Variants in CLEC4A observed in about 807,000 individuals in gnomAD.
CLEC4A encodes the protein C-type lectin domain family 4 member A.
Under a neutral mutation model 32.7 loss-of-function variants are expected in CLEC4A, and 27 were observed. That is an observed-to-expected ratio of 0.83 (90% CI 0.61 to 1.14). The LOEUF is 1.14. Ranked by LOEUF, CLEC4A falls within the 50% of genes most tolerant of loss-of-function variation. The pLI, the probability that CLEC4A is intolerant of heterozygous loss-of-function variation, is 0.00. For synonymous variants in CLEC4A, 89 were observed against 93.7 expected (o/e 0.95, Z 0.29); for missense variants, 253 against 274.6 (o/e 0.92, Z 0.55).
At chr12:8,136,675 C>G (rs894939861) in intron 4 of CLEC4A, 113 bp from the exon 5 acceptor site, 24 of 627,454 alleles carry the variant, frequency 3.8e-5, no homozygotes, top group African/African-American at 3.5e-4. Flanking sequence ...ACGTAGAGCT[C>G]TAATGCAGCT....
rs371181779 is a variant in CLEC4A, at chr12:8,134,973, G to GTT, written c.299-608_299-607dup. ...CATGTCTGTATCTTCTTGTTGAAGC[G>GTT]TTTTTGTTTTTTGTTTTTTTTTAAT... On this transcript the variant is annotated intron_variant, in intron 3 of 5. Coordinates refer to ENST00000229332, the MANE Select transcript of CLEC4A (RefSeq NM_016184.4). 8.1e-4 allele frequency: 257 copies of GTT among 318,704 alleles called. 12 individuals carry two copies. In the African/African-American group the frequency reaches 0.01, roughly 13 times the overall value. The allele number at this position is 318,704 out of a possible 1,614,324, so 19.7% of individuals were successfully genotyped here.
At chr12:8,134,122 G>C in intron 3 of CLEC4A, 1 of 1,600,106 alleles carries the variant, frequency 6.2e-7, no homozygotes, top group South Asian at 1.1e-5. Context: ...AATTCTCCAG[G>C]TTGCCTCTCA....
the CLEC4A span, among the ~76,000 whole-genome samples, chr12:8,103,048 C>G: frequency 6.6e-6 from 1 of 152,130 alleles, no homozygotes; most frequent in East Asian, 1.9e-4. Context: ...TCTAGCTCAA[C>G]TCCCCTTAAT....
At chr12:8,114,466 A>C in the CLEC4A span, among the ~76,000 whole-genome samples, 3 of 151,842 alleles carry the variant, frequency 2.0e-5, no homozygotes, top group African/African-American at 4.8e-5. Context: ...GGATGGTCTC[A>C]ATCTCCTGAC....
At chr12:8,116,498 T>C in the CLEC4A span, among the ~76,000 whole-genome samples, 1 of 152,208 alleles carries the variant, frequency 6.6e-6, no homozygotes, top group African/African-American at 2.4e-5. Flanking sequence ...CCTGATTAAA[T>C]GTATGATCAT....
At chr12:8,134,154 G>A (rs764855473) in intron 3 of CLEC4A, 2 of 1,607,606 alleles carry the variant, frequency 1.2e-6, no homozygotes, top group Admixed American at 1.7e-5. Context: ...ATACTGGTTC[G>A]CTTTCTCTTT....
chr12:8,112,375 C>G, the CLEC4A span, among the ~76,000 whole-genome samples: 1 of 152,268 alleles, frequency 6.6e-6, no homozygotes, highest in South Asian at 2.1e-4. Flanking sequence ...CCCTTCCTCC[C>G]TCCCCCAACA....
rs890300358 is a variant in CLEC4A at position 8,134,297 on chromosome 12, C to G, written c.299-1288C>G. 4.3e-6 allele frequency: 7 copies of G among 1,611,964 alleles called. No individual in the cohort carries two copies. In the African/African-American group the frequency reaches 5.3e-5, roughly 12 times the overall value. ...GAAGCTAAGCTGCAGAGCCTCAAAG[C>G]GGCAGATGGTCGTTTGGCTGAACAC... On this transcript the variant is annotated intron_variant, in intron 3 of 5. Coordinates refer to ENST00000229332, the MANE Select transcript of CLEC4A (RefSeq NM_016184.4).
At chr12:8,120,812 C>G (rs1408692402), upstream of CLEC4A, 1 of 152,138 alleles carries the variant, frequency 6.6e-6, no homozygotes, top group Non-Finnish European at 1.5e-5. Context: ...ATTATTGTTT[C>G]CAAATGTCTG....
chr12:8,113,971 A>G, the CLEC4A span, among the ~76,000 whole-genome samples: 1 of 152,140 alleles, frequency 6.6e-6, no homozygotes, highest in Admixed American at 6.5e-5. Flanking sequence ...GCACAGTTTC[A>G]GGTTTGTTCT....
the CLEC4A span, among the ~76,000 whole-genome samples, chr12:8,112,170 G>A: frequency 6.6e-6 from 1 of 152,038 alleles, no homozygotes; most frequent in East Asian, 1.9e-4. Flanking sequence ...GTTTCTCCAT[G>A]TTGGTCAGGC....
At chr12:8,107,377 C>A in the CLEC4A span, among the ~76,000 whole-genome samples, 5 of 152,160 alleles carry the variant, frequency 3.3e-5, no homozygotes, top group Non-Finnish European at 7.3e-5. Flanking sequence ...CAGGATGATA[C>A]TGGCTTCAGA....
Position 8,138,241 on chromosome 12 carries a change from T to A in CLEC4A, c.668T>A (p.Leu223His). ...KRWGWNDVNC[L>H]GPQRSVCEMM... The stretch of plus-strand genomic sequence containing the variant: ...TGGGGCTGGAATGATGTTAATTGTC[T>A]TGGTCCTCAAAGGTCAGTTTGTGAG... The change falls in exon 6 of 6, where the codon CTT (leucine) becomes CAT (histidine). Residue 223 changes from leucine to histidine, a missense_variant. Transcript: ENST00000229332. The A allele has an allele frequency of 2.5e-6, 4 of 1,614,204 alleles. No individual in the cohort carries two copies. Among genetic ancestry groups the A allele is most frequent in the Non-Finnish European group, 3.4e-6 (4 of 1,180,026 alleles).
At position 8,138,069 on chromosome 12, in the gene CLEC4A, C is replaced by T. The variant is rs374290156; in HGVS notation, c.567-71C>T. On this transcript the variant is annotated intron_variant, in intron 5 of 5. Coordinates refer to ENST00000229332, the MANE Select transcript of CLEC4A (RefSeq NM_016184.4). ...GTTCCATGAAATTCATCCCTCGCTC[C>T]TCACCCCTGTCTCTAACCCTTTTCA... 4.7e-4 allele frequency: 712 copies of T among 1,514,636 alleles called. 10 individuals carry two copies. In the South Asian group the frequency reaches 6.1e-3, roughly 13 times the overall value. 93.8% of individuals were successfully genotyped at this position (1,514,636 alleles called of 1,614,324 possible). A position where few individuals can be genotyped will look rare whatever the true frequency, so the allele number is the denominator to read the frequency against.
the CLEC4A span, among the ~76,000 whole-genome samples, chr12:8,110,801 G>C: frequency 6.6e-6 from 1 of 151,990 alleles, no homozygotes; most frequent in Non-Finnish European, 1.5e-5. Context: ...TGCCCCCCTT[G>C]CTTGCCCTTT....
the CLEC4A span, among the ~76,000 whole-genome samples, chr12:8,103,664 G>A: frequency 3.3e-5 from 5 of 152,116 alleles, no homozygotes; most frequent in East Asian, 1.9e-4. Flanking sequence ...GATTACAGGC[G>A]TGAGCCACTG....
At chr12:8,109,080 A>AT in the CLEC4A span, among the ~76,000 whole-genome samples, 1 of 152,056 alleles carries the variant, frequency 6.6e-6, no homozygotes, top group Non-Finnish European at 1.5e-5. Flanking sequence ...TTTGTTTTTT[A>AT]TTTTTTATTT....
upstream of CLEC4A, among the ~76,000 whole-genome samples, chr12:8,122,438 G>A (rs1947840687): frequency 6.6e-6 from 1 of 151,310 alleles, no homozygotes; most frequent in African/African-American, 2.4e-5. Context: ...GCCTTGGCAG[G>A]GTGAGGGGGA....
At chr12:8,113,483 G>A in the CLEC4A span, among the ~76,000 whole-genome samples, 3 of 152,124 alleles carry the variant, frequency 2.0e-5, no homozygotes, top group East Asian at 1.9e-4. Flanking sequence ...TTCAGAAAAC[G>A]TTCTAGGGAG....
Sources: allele counts gnomAD v4.1 joint callset (sites outside exome capture counted in the v4.1 genomes callset), GRCh38; gene constraint gnomAD v4.1.1; transcripts MANE v1.5; gene names NCBI Gene and HGNC (gene_info 2026-07-23, HGNC 2026-07-21).